SKA3: variants seen among roughly 807,000 people sequenced by gnomAD.
The protein encoded by SKA3 is spindle and kinetochore associated complex subunit 3.
A neutral mutation model predicts 44.2 loss-of-function variants in SKA3; 39 were observed. The ratio of observed to expected loss-of-function variants is 0.88; its 90% CI spans 0.68 to 1.15. The LOEUF is 1.15. SKA3 is among the 50% of genes most tolerant of loss of function. The pLI, the probability that SKA3 is intolerant of heterozygous loss-of-function variation, is 0.00. For missense variants in SKA3, 511 were observed against 485.8 expected, an observed-to-expected ratio of 1.05 and a Z score of -0.49; for synonymous variants, 192 against 172.0, an observed-to-expected ratio of 1.12 and a Z score of -0.91.
chr13:21,157,940 A>G lies in SKA3; in HGVS notation c.1101T>C (p.Ile367=). Residue 367 remains isoleucine (I), a synonymous_variant, in exon 7 of 9, where the codon ATT becomes ATC. Coordinates refer to ENST00000314759, the MANE Select transcript of SKA3 (RefSeq NM_145061.6). ...RTPTPPEVTK[I]PEDILQLLSK... ...AAATAACCTGGAGAATATCTTCTGG[A>G]ATTTTAGTTACTTCCGGAGGTGTAG... 1.9e-6 allele frequency: 3 copies of G among 1,600,450 alleles called. No individual in the cohort carries two copies. Among genetic ancestry groups the G allele is most frequent in the East Asian group, 2.2e-5 (1 of 44,674 alleles).
rs1565990610 is a variant in SKA3 at position 21,155,753 on chromosome 13, G to C, written c.1178C>G (p.Pro393Arg). The change falls in exon 8 of 9, where the codon CCC becomes CGC. Residue 393 changes from proline (P) to arginine (R), a missense_variant. Coordinates refer to ENST00000314759, the MANE Select transcript of SKA3 (RefSeq NM_145061.6). ...ATPIAIKAVP[P>R]SKRFLKHGQN... ...TCCATGTTTAAGGAACCTTTTACTGGGTGGCACTGCTTTAATTGCTATTGG... is the reference window on the plus strand; with the variant it reads ...TCCATGTTTAAGGAACCTTTTACTGCGTGGCACTGCTTTAATTGCTATTGG... 2 of 1,612,340 alleles carry C rather than the reference G, an allele frequency of 1.2e-6. No homozygotes were observed. The highest frequency in any genetic ancestry group is 1.7e-5 in the Admixed American group (1 of 59,934).
intron 4 of SKA3, among the ~76,000 whole-genome samples, chr13:21,165,936 AACAATAACATGACATG>A (rs1190377728): frequency 6.6e-6 from 1 of 152,162 alleles, no homozygotes; most frequent in Non-Finnish European, 1.5e-5. Context: ...CTTGTCTCAA[AACAATAACATGACATG>A]ACATAACATT....
At chr13:21,173,746 T>G (rs1377446404) in intron 1 of SKA3, among the ~76,000 whole-genome samples, 1 of 152,264 alleles carries the variant, frequency 6.6e-6, no homozygotes, top group Non-Finnish European at 1.5e-5. Flanking sequence ...ATTTATTTAT[T>G]CTATTGTTGA....
At chr13:21,161,399 G>A (rs1049030116) in intron 5 of SKA3, among the ~76,000 whole-genome samples, 1 of 152,088 alleles carries the variant, frequency 6.6e-6, no homozygotes, top group African/African-American at 2.4e-5. Context: ...TTAAGTTACT[G>A]AGCTATTTAA....
intron 6 of SKA3, among the ~76,000 whole-genome samples, chr13:21,158,615 C>T (rs956416430): frequency 3.9e-5 from 6 of 151,920 alleles, no homozygotes; most frequent in African/African-American, 7.3e-5. Context: ...AGTGAGACTC[C>T]GTCACAAACA....
chr13:21,172,825 A>G, intron 1 of SKA3, 144 bp from the exon 2 acceptor site: 1 of 346,812 alleles, frequency 2.9e-6, no homozygotes, highest in South Asian at 5.8e-5. Context: ...AGATAATACC[A>G]TATTTTTTAC....
At chr13:21,171,215 C>T (rs2137380282) in intron 3 of SKA3, among the ~76,000 whole-genome samples, 1 of 152,300 alleles carries the variant, frequency 6.6e-6, no homozygotes, top group African/African-American at 2.4e-5. Context: ...GTGCCCGTCT[C>T]ACATGGACTG....
intron 1 of SKA3, 83 bp downstream of exon 1, chr13:21,176,292 C>T: frequency 8.3e-7 from 1 of 1,206,886 alleles, no homozygotes; most frequent in Non-Finnish European, 1.1e-6. Context: ...TGGCGGTTCC[C>T]GTGGGACATA....
chr13:21,159,701 G>T (rs1870326145), intron 6 of SKA3, among the ~76,000 whole-genome samples: 1 of 152,080 alleles, frequency 6.6e-6, no homozygotes, highest in East Asian at 1.9e-4. Flanking sequence ...AAAATTCAGA[G>T]ATATGGTTTA....
rs180909693 is a variant in SKA3, at chr13:21,158,347, G to A, written c.916-222C>T. Among the ~76,000 whole-genome samples, 9 of 152,292 alleles carry A rather than the reference G, an allele frequency of 5.9e-5. No individual in the cohort carries two copies. The East Asian group carries it at 1.7e-3, about 29-fold the overall frequency. On this transcript the variant is annotated intron_variant, in intron 6 of 8. Coordinates refer to ENST00000314759, the MANE Select transcript of SKA3 (RefSeq NM_145061.6). ...TGAGTTAAAGCTTAATGTCAGCAAG[G>A]TGTGGTGGCTCATGCCTGTAATCCC...
intron 7 of SKA3, among the ~76,000 whole-genome samples, chr13:21,156,754 A>G (rs984773424): frequency 1.1e-4 from 17 of 152,084 alleles, no homozygotes. Flanking sequence ...GACTTCTAGA[A>G]TGGCTATTAA....
rs1547187 is a variant in SKA3, at chr13:21,154,112, A to G, written c.*1038T>C. On this transcript the variant is annotated 3_prime_UTR_variant, in exon 9 of 9. Transcript: ENST00000314759. Reference sequence around the variant, plus strand: ...TAATCTTTACTGCATCAAATTCCCAAAACTACGCCTTTGAAGTAAGTTGAC... The same window carrying G: ...TAATCTTTACTGCATCAAATTCCCAGAACTACGCCTTTGAAGTAAGTTGAC... 16,631 of 151,240 alleles carry G rather than the reference A, an allele frequency of 0.11. No homozygotes were observed. The highest frequency in any genetic ancestry group is 0.23 in the East Asian group (1,160 of 5,114). 9.4% of individuals were successfully genotyped at this position (151,240 alleles called of 1,614,324 possible). A position where few individuals can be genotyped will look rare whatever the true frequency, so the allele number is the denominator to read the frequency against.
chr13:21,174,248 C>A (rs1871271362), intron 1 of SKA3, among the ~76,000 whole-genome samples: 1 of 152,084 alleles, frequency 6.6e-6, no homozygotes, highest in Non-Finnish European at 1.5e-5. Flanking sequence ...GGTATATACC[C>A]AAAGGATTAT....
Position 21,168,050 on chromosome 13 carries a change from T to C in SKA3, c.681A>G (p.Glu227=). Reference sequence around the variant, plus strand: ...AATCTTCATTTAAACACATAGTATATTCAGAGATACCAAAGTGTTCTAATT... The same window carrying C: ...AATCTTCATTTAAACACATAGTATACTCAGAGATACCAAAGTGTTCTAATT... ...TPKLEHFGIS[E]YTMCLNEDYT... The change falls in exon 4 of 9, where the codon GAA becomes GAG. Residue 227 remains glutamate, a synonymous_variant. Transcript: ENST00000314759. 2.6e-5 allele frequency: 42 copies of C among 1,613,218 alleles called. No individual in the cohort carries two copies. The highest frequency in any genetic ancestry group is 3.6e-5 in the Non-Finnish European group (42 of 1,179,670).
At chr13:21,172,901 A>G (rs1215336903) in intron 1 of SKA3, among the ~76,000 whole-genome samples, 1 of 152,200 alleles carries the variant, frequency 6.6e-6, no homozygotes, top group Non-Finnish European at 1.5e-5. Context: ...ACAGTATTCA[A>G]TGCAGTCGCA....
At chr13:21,172,573 A>C in intron 2 of SKA3, 47 bp downstream of exon 2, 1 of 1,387,786 alleles carries the variant, frequency 7.2e-7, no homozygotes, top group Non-Finnish European at 9.4e-7. Context: ...GGATAAAAAA[A>C]TTACTCGCCA....
chr13:21,174,739 A>C (rs557201719), intron 1 of SKA3, among the ~76,000 whole-genome samples: 47 of 140,136 alleles, frequency 3.4e-4, no homozygotes, highest in Admixed American at 3.3e-3. Context: ...AATAATTTTA[A>C]AAAAAGAAAA....
intron 8 of SKA3, among the ~76,000 whole-genome samples, chr13:21,155,492 C>T (rs534099340): frequency 1.3e-5 from 2 of 151,714 alleles, no homozygotes; most frequent in Non-Finnish European, 2.9e-5. Flanking sequence ...CTGCAACCTC[C>T]GCCTCCCAGA....
intron 1 of SKA3, among the ~76,000 whole-genome samples, chr13:21,173,303 C>G (rs1839941891): frequency 6.6e-6 from 1 of 152,180 alleles, no homozygotes; most frequent in Admixed American, 6.5e-5. Context: ...GTTGCCCAGG[C>G]TGGAGTGCAA....
Sources: gnomAD v4.1 joint callset for allele counts (sites outside exome capture counted in the v4.1 genomes callset) on GRCh38, gnomAD v4.1.1 for gene constraint, MANE v1.5 for transcripts, NCBI Gene and HGNC (gene_info 2026-07-23, HGNC 2026-07-21) for gene names.